The following DUSP22 variants were observed in gnomAD, a reference collection of about 807,000 sequenced individuals.
DUSP22 encodes dual specificity protein phosphatase 22.
In DUSP22, 24 loss-of-function variants were observed where a neutral mutation model predicts 24.5. The ratio of observed to expected loss-of-function variants is 0.98; its 90% CI spans 0.71 to 1.38. The LOEUF is 1.38. DUSP22 is among the 40% of genes most tolerant of loss of function. The probability of loss-of-function intolerance (pLI) is 0.00; values close to 1 mark genes in which losing one functional copy is unlikely to be tolerated. For synonymous variants in DUSP22, 160 were observed against 106.4 expected, an observed-to-expected ratio of 1.50 and a Z score of -3.10; for missense variants, 330 against 269.2, an observed-to-expected ratio of 1.23 and a Z score of -1.58.
intron 6 of DUSP22, 144 bp from the exon 7 acceptor site, chr6:348,625 C>T (rs923307411): frequency 3.9e-5 from 55 of 1,414,574 alleles, no homozygotes; most frequent in Non-Finnish European, 5.2e-5. Flanking sequence ...GGCTGGCCAA[C>T]CACAGAGCTC....
intron 1 of DUSP22, among the ~76,000 whole-genome samples, chr6:294,206 A>G (rs1481006323): frequency 6.6e-6 from 1 of 152,302 alleles, no homozygotes; most frequent in Non-Finnish European, 1.5e-5. Context: ...AAAATGGGTA[A>G]TAAATTTCTT....
intron 2 of DUSP22, among the ~76,000 whole-genome samples, chr6:309,275 G>A (rs531042698): frequency 7.5e-4 from 115 of 152,366 alleles, no homozygotes; most frequent in African/African-American, 2.5e-3. Context: ...TATTATAGAC[G>A]CCTTTCTGAG....
intron 3 of DUSP22, among the ~76,000 whole-genome samples, chr6:324,412 C>T: frequency 6.6e-6 from 1 of 152,422 alleles, no homozygotes; most frequent in South Asian, 2.1e-4. Context: ...GAACCTCAGG[C>T]AGTGAGTGCC....
intron 6 of DUSP22, 163 bp downstream of exon 6, chr6:348,437 A>T (rs1759994506): frequency 8.3e-7 from 1 of 1,204,850 alleles, no homozygotes; most frequent in South Asian, 1.5e-5. Flanking sequence ...AGTCGTCACG[A>T]TCCCTCGTGC....
chr6:322,835 CGG>C (rs61295342), intron 3 of DUSP22, among the ~76,000 whole-genome samples: 10 of 72,358 alleles, frequency 1.4e-4, no homozygotes, highest in East Asian at 4.0e-4. Flanking sequence ...CTTGGTGGGG[CGG>C]GGGGGGGCCT....
intron 1 of DUSP22, among the ~76,000 whole-genome samples, chr6:294,357 AG>A (rs375494121): frequency 2.5e-5 from 1 of 39,936 alleles, no homozygotes; most frequent in Admixed American, 1.9e-4. Flanking sequence ...GTGGGTGGGG[AG>A]GGGGCAAAGG....
intron 3 of DUSP22, chr6:325,840 G>C (rs1223545749): frequency 2.4e-5 from 4 of 165,914 alleles, no homozygotes; most frequent in Admixed American, 7.7e-5. Flanking sequence ...GGGCTTCCGC[G>C]TCCTGGTGTG....
chr6:346,121 A>G (rs7741779), intron 5 of DUSP22, among the ~76,000 whole-genome samples, 193 bp downstream of exon 5: 6,556 of 150,098 alleles, frequency 0.044, no homozygotes, highest in African/African-American at 0.15. Flanking sequence ...GGAGAACCCT[A>G]ACTCGTTTTG....
intron 2 of DUSP22, among the ~76,000 whole-genome samples, chr6:308,509 G>T (rs566358814): frequency 6.6e-6 from 1 of 152,304 alleles, no homozygotes; most frequent in Non-Finnish European, 1.5e-5. Context: ...GCTAGCGTGC[G>T]GTGAGGAAGA....
intron 2 of DUSP22, among the ~76,000 whole-genome samples, chr6:305,868 G>C (rs889857489): frequency 6.6e-6 from 1 of 152,310 alleles, no homozygotes; most frequent in Non-Finnish European, 1.5e-5. Context: ...GGCCACTCCT[G>C]TTGGCTTTCT....
At chr6:334,400 AT>A (rs773315152) in intron 3 of DUSP22, among the ~76,000 whole-genome samples, 13 of 148,410 alleles carry the variant, frequency 8.8e-5, no homozygotes, top group East Asian at 2.2e-4. Flanking sequence ...AGAAACAGCC[AT>A]TTTTTTTTTT....
chr6:313,430 A>G (rs1439382438), intron 3 of DUSP22, among the ~76,000 whole-genome samples: 3 of 152,306 alleles, frequency 2.0e-5, no homozygotes, highest in Non-Finnish European at 4.4e-5. Flanking sequence ...TAGCGAGTAA[A>G]GCAGGTGGGT....
chr6:349,151 T>G lies in DUSP22; in HGVS notation c.*200T>G. The G allele has an allele frequency of 7.0e-7, 1 of 1,434,380 alleles. No homozygotes were observed. Among genetic ancestry groups the G allele is most frequent in the Non-Finnish European group, 9.1e-7 (1 of 1,100,096 alleles). The allele number at this position is 1,434,380 out of a possible 1,614,324, so 88.9% of individuals were successfully genotyped here. On this transcript the variant is annotated 3_prime_UTR_variant, in exon 7 of 7. Transcript: ENST00000419235. ...CGCCCACCCCTACCCTGGCTGCACC[T>G]GAGCTTGCTGCCCCTGGGGATGTTG...
At chr6:301,650 AG>A (rs1444039905) in intron 1 of DUSP22, among the ~76,000 whole-genome samples, 29 of 152,270 alleles carry the variant, frequency 1.9e-4, no homozygotes, top group Non-Finnish European at 7.3e-5. Context: ...AGACTGTGAG[AG>A]GCCTTCTAAT....
Position 350,756 on chromosome 6 carries a change from G to C in DUSP22, c.*1805G>C. 1.2e-6 allele frequency: 2 copies of C among 1,613,934 alleles called. No homozygotes were observed. The highest frequency in any genetic ancestry group is 1.1e-5 in the South Asian group (1 of 91,012). ...TATGTGCACCTTTACAAACCTCTCA[G>C]TGTATTCTTGGAGTTCTTGAAATGT... is the stretch of plus-strand genomic sequence containing the variant. On this transcript the variant is annotated 3_prime_UTR_variant, in exon 7 of 7. Transcript: ENST00000419235.
chr6:346,412 C>A, intron 5 of DUSP22, among the ~76,000 whole-genome samples: 1 of 151,840 alleles, frequency 6.6e-6, no homozygotes, highest in East Asian at 1.9e-4. Context: ...TGTTTGCATC[C>A]TGCTATATTT....
At chr6:302,250 CT>C (rs1757613252) in intron 1 of DUSP22, among the ~76,000 whole-genome samples, 1 of 152,310 alleles carries the variant, frequency 6.6e-6, no homozygotes, top group African/African-American at 2.4e-5. Flanking sequence ...GTAAGATCGT[CT>C]TCCTCACAGC....
At chr6:298,542 A>G (rs1310597170) in intron 1 of DUSP22, among the ~76,000 whole-genome samples, 2 of 152,300 alleles carry the variant, frequency 1.3e-5, no homozygotes, top group Non-Finnish European at 2.9e-5. Flanking sequence ...TAGAAGCAGT[A>G]TTCTTTTGTG....
chr6:348,811 C>G lies in DUSP22; in HGVS notation c.478C>G (p.Gln160Glu). The G allele has an allele frequency of 6.2e-7, 1 of 1,614,320 alleles. No individual in the cohort carries two copies. The highest frequency in any genetic ancestry group is 2.2e-5 in the East Asian group (1 of 44,896). The change falls in exon 7 of 7, where the codon CAG becomes GAG. Residue 160 changes from glutamine to glutamate, a missense_variant. Coordinates refer to ENST00000419235, the MANE Select transcript of DUSP22 (RefSeq NM_001286555.3). ...GGAAGAATATGGAGAGAGCCCTTTG[C>G]AGGATGCAGAAGAAGCCAAAAACAT... Reference protein sequence around the residue: ...LKEEYGESPLQDAEEAKNILG... With the variant: ...LKEEYGESPLEDAEEAKNILG...
Sources: gnomAD v4.1 joint callset for allele counts (sites outside exome capture counted in the v4.1 genomes callset) on GRCh38, gnomAD v4.1.1 for gene constraint, MANE v1.5 for transcripts, NCBI Gene and HGNC (gene_info 2026-07-23, HGNC 2026-07-21) for gene names.